The following SUPT7L variants were observed in gnomAD, a reference collection of about 807,000 sequenced individuals.
SUPT7L encodes SPT7 like, STAGA complex subunit gamma.
In SUPT7L, 15 loss-of-function variants were observed where a neutral mutation model predicts 35.7. That is an observed-to-expected ratio of 0.42 (90% confidence interval 0.28 to 0.65). The LOEUF (loss-of-function observed/expected upper bound fraction) is 0.65. Among genes scored for constraint, SUPT7L ranks in the 30% least tolerant of loss-of-function variants. SUPT7L has a pLI of 0.23. For missense variants in SUPT7L, 434 were observed against 522.2 expected (o/e 0.83, Z 1.65); for synonymous variants, 168 against 186.2 (o/e 0.90, Z 0.79).
intron 3 of SUPT7L, 37 bp downstream of exon 3, chr2:27,660,947 C>T (rs1675069604): frequency 1.9e-6 from 3 of 1,582,826 alleles, no homozygotes; most frequent in Non-Finnish European, 2.6e-6. Flanking sequence ...GGGAAGATGA[C>T]TTGAGAAAAG....
Position 27,657,481 on chromosome 2 carries a change from C to G in SUPT7L, c.608G>C (p.Arg203Pro), listed in dbSNP as rs371987223. Residue 203 changes from arginine to proline, a missense_variant, in exon 4 of 6, where the codon CGG (arginine) becomes CCG (proline). Arg to Pro is a moderately radical substitution (Grantham distance 103). Around this residue, in one of 3 missense-constraint regions of SUPT7L, gnomAD observed 198 missense variants for 190.8 expected, o/e 1.04. Coordinates refer to ENST00000337768, the MANE Select transcript of SUPT7L (RefSeq NM_014860.3). This position sits in a 1 kb window ranked among gnomAD's most constrained non-coding sequence, Gnocchi z 5.2. ...AGGAGTCTGTCCCAGCCGGGCCTCC[C>G]GGTCCACAGCAAAACGCAGCAACTT... ...FTKLLRFAVDREARLGQTPFP... is the reference protein window; with the variant it reads ...FTKLLRFAVDPEARLGQTPFP... 2.5e-6 allele frequency: 4 copies of G among 1,614,142 alleles called. No individual in the cohort carries two copies. In the African/African-American group the frequency reaches 5.3e-5, roughly 22 times the overall value.
chr2:27,657,725 C>A lies in SUPT7L; in HGVS notation c.420-56G>T, dbSNP rs1674872813. ...TGTTCTTGCAAAGGGGTGACCCCTC[C>A]TGTCTTCCCCAGGAGTTTTACAATT... On this transcript the variant is annotated intron_variant, in intron 3 of 5. Coordinates refer to ENST00000337768, the MANE Select transcript of SUPT7L (RefSeq NM_014860.3). This position sits in a 1 kb window ranked among gnomAD's most constrained non-coding sequence, Gnocchi z 5.2. 1 of 1,490,114 alleles carries A rather than the reference C, an allele frequency of 6.7e-7. No homozygotes were observed. The highest frequency in any genetic ancestry group is 9.0e-7 in the Non-Finnish European group (1 of 1,107,338). The allele number at this position is 1,490,114 out of a possible 1,614,324, so 92.3% of individuals were successfully genotyped here.
the SUPT7L span, among the ~76,000 whole-genome samples, chr2:27,645,270 C>A: frequency 6.6e-6 from 1 of 152,054 alleles, no homozygotes; most frequent in Non-Finnish European, 1.5e-5. Context: ...CATCCCCAGC[C>A]CATTTTTTTT....
chr2:27,643,326 TTATC>T, the SUPT7L span, among the ~76,000 whole-genome samples: 1 of 152,026 alleles, frequency 6.6e-6, no homozygotes, highest in African/African-American at 2.4e-5. This position sits in a 1 kb window ranked among gnomAD's most constrained non-coding sequence, Gnocchi z 4.0. Flanking sequence ...ACTTTATTCT[TTATC>T]TATATATGAC....
rs1017337705 is a variant in SUPT7L at position 27,652,550 on chromosome 2, A to G, written c.*935T>C. On this transcript the variant is annotated 3_prime_UTR_variant, in exon 6 of 6. Coordinates refer to ENST00000337768, the MANE Select transcript of SUPT7L (RefSeq NM_014860.3). Reference sequence around the variant, plus strand: ...ATACAGATAGTCTGATGGATGAGTAACCACAGTGATGTTGTTCAGGACATG... The same window carrying G: ...ATACAGATAGTCTGATGGATGAGTAGCCACAGTGATGTTGTTCAGGACATG... 2.0e-5 allele frequency: 3 copies of G among 152,632 alleles called. No individual in the cohort carries two copies. Among genetic ancestry groups the G allele is most frequent in the African/African-American group, 7.2e-5 (3 of 41,468 alleles). The allele number at this position is 152,632 out of a possible 1,614,324, so 9.5% of individuals were successfully genotyped here. A position where few individuals can be genotyped will look rare whatever the true frequency, so the allele number is the denominator to read the frequency against.
Position 27,661,093 on chromosome 2 carries a change from AG to A in SUPT7L, c.309del (p.Ser104ArgfsTer15). 1.2e-6 allele frequency: 2 copies of A among 1,614,198 alleles called. No individual in the cohort carries two copies. Among genetic ancestry groups the A allele is most frequent in the Non-Finnish European group, 1.7e-6 (2 of 1,180,034 alleles). On this transcript the variant is annotated frameshift_variant, in exon 3 of 6. Coordinates refer to ENST00000337768, the MANE Select transcript of SUPT7L (RefSeq NM_014860.3). LOFTEE classifies it high-confidence loss of function. ...GGGAGAGGAGGTGACCCAGGGCACG[AG>A]GGAAGAGGTTCACTCTCTTCAGTTT... The part of the protein sequence containing the change: ...GVKTEESEPL[P>X]SCPGSPPLPD...
chr2:27,663,609 T>A lies in SUPT7L; in HGVS notation c.-370A>T, dbSNP rs1675227491. ...CCCCGAAAGCTGGTTTGTTGATTAG[T>A]GATCTAAGACCGCCGGAAGCGCTTC... On this transcript the variant is annotated 5_prime_UTR_variant, in exon 1 of 6. Coordinates refer to ENST00000337768, the MANE Select transcript of SUPT7L (RefSeq NM_014860.3). 2 of 725,314 alleles carry A rather than the reference T, an allele frequency of 2.8e-6. No homozygotes were observed. The highest frequency in any genetic ancestry group is 4.5e-6 in the Non-Finnish European group (2 of 441,022). 44.9% of individuals were successfully genotyped at this position (725,314 alleles called of 1,614,324 possible). A position where few individuals can be genotyped will look rare whatever the true frequency, so the allele number is the denominator to read the frequency against.
chr2:27,656,771 C>T (rs1304047585), intron 4 of SUPT7L, among the ~76,000 whole-genome samples: 1 of 151,922 alleles, frequency 6.6e-6, no homozygotes, highest in Admixed American at 6.6e-5. Context: ...TAGCTGAGAC[C>T]ACAGGCATGA....
At chr2:27,659,186 CCTTTT>C (rs1268340879) in intron 3 of SUPT7L, among the ~76,000 whole-genome samples, 2 of 152,146 alleles carry the variant, frequency 1.3e-5, no homozygotes, top group Non-Finnish European at 2.9e-5. Context: ...TTATGCCTCC[CCTTTT>C]CATTATTCCA....
chr2:27,648,189 C>T (rs1053649944), downstream of SUPT7L, among the ~76,000 whole-genome samples: 1 of 152,022 alleles, frequency 6.6e-6, no homozygotes, highest in African/African-American at 2.4e-5. Flanking sequence ...TTGAGGGATC[C>T]AGGACTTTTG....
At position 27,651,013 on chromosome 2, in the gene SUPT7L, C is replaced by T. The variant is rs1305363367; in HGVS notation, c.*2472G>A. The T allele has an allele frequency of 6.6e-6, 1 of 152,336 alleles. No homozygotes were observed. The highest frequency in any genetic ancestry group is 1.5e-5 in the Non-Finnish European group (1 of 68,036). The allele number at this position is 152,336 out of a possible 1,614,324, so 9.4% of individuals were successfully genotyped here. On this transcript the variant is annotated 3_prime_UTR_variant, in exon 6 of 6. Transcript: ENST00000337768. Reference sequence around the variant, plus strand: ...CCCACGTGCACATACTGACTAAATACAGAGCTAGGCCCAGTTTGTATTGTA... The same window carrying T: ...CCCACGTGCACATACTGACTAAATATAGAGCTAGGCCCAGTTTGTATTGTA...
At chr2:27,642,956 T>TACACACACACACACACACAC in the SUPT7L span, among the ~76,000 whole-genome samples, 98 of 85,808 alleles carry the variant, frequency 1.1e-3, no homozygotes, top group East Asian at 8.7e-3. Context: ...TATATATATA[T>TACACACACACACACACACAC]ATACACACAC....
At position 27,661,387 on chromosome 2, in the gene SUPT7L, A is replaced by G. The variant is rs759418062; in HGVS notation, c.16T>C (p.Tyr6His). MNLQR[Y>H]WGEIPISSSQ... ...GATGATATTGGTATCTCTCCCCAGT[A>G]TCTCAACATTTTGGAATAAGAAGAG... The change falls in exon 3 of 6, where the codon TAC (tyrosine) becomes CAC (histidine). Residue 6 changes from tyrosine (Y) to histidine (H), a missense_variant and splice_region_variant. By Grantham distance (83) the Tyr-to-His change is moderately conservative (BLOSUM62 2). Around this residue, in one of 3 missense-constraint regions of SUPT7L, gnomAD observed 77 missense variants for 114.4 expected, o/e 0.67. Coordinates refer to ENST00000337768, the MANE Select transcript of SUPT7L (RefSeq NM_014860.3). The G allele has an allele frequency of 5.0e-6, 8 of 1,613,714 alleles. No homozygotes were observed. Among genetic ancestry groups the G allele is most frequent in the Non-Finnish European group, 6.8e-6 (8 of 1,180,024 alleles).
At chr2:27,650,241 T>G, downstream of SUPT7L, 3 of 1,181,056 alleles carry the variant, frequency 2.5e-6, no homozygotes, top group Non-Finnish European at 3.8e-6. Context: ...AAGTCCAGAA[T>G]TTTGGACCTC....
chr2:27,658,567 A>G (rs1483430188), intron 3 of SUPT7L, among the ~76,000 whole-genome samples: 1 of 152,222 alleles, frequency 6.6e-6, no homozygotes, highest in Non-Finnish European at 1.5e-5. Context: ...TTATTTTACC[A>G]ATAAAAATAA....
At chr2:27,647,025 A>C (rs1297088770), downstream of SUPT7L, among the ~76,000 whole-genome samples, 1 of 152,174 alleles carries the variant, frequency 6.6e-6, no homozygotes. Flanking sequence ...TAAGTAAATC[A>C]TTTGAGGAAA....
intron 3 of SUPT7L, 105 bp downstream of exon 3, chr2:27,660,879 T>C (rs1325810102): frequency 1.4e-6 from 2 of 1,414,320 alleles, no homozygotes; most frequent in Non-Finnish European, 1.9e-6. Context: ...CAATTACTCT[T>C]ATCCTCAGTT....
At chr2:27,645,530 T>C in the SUPT7L span, among the ~76,000 whole-genome samples, 1 of 152,176 alleles carries the variant, frequency 6.6e-6, no homozygotes, top group Non-Finnish European at 1.5e-5. Flanking sequence ...GACATCTCTA[T>C]GATGTTCAGT....
chr2:27,663,497 A>T lies in SUPT7L; in HGVS notation c.-258T>A, dbSNP rs1396681247. The T allele has an allele frequency of 6.7e-6, 3 of 445,314 alleles. No individual in the cohort carries two copies. The highest frequency in any genetic ancestry group is 6.0e-5 in the African/African-American group (3 of 50,124). The allele number at this position is 445,314 out of a possible 1,614,324, so 27.6% of individuals were successfully genotyped here. On this transcript the variant is annotated 5_prime_UTR_variant, in exon 1 of 6. Transcript: ENST00000337768. ...GGTCTGGACCTGAACCGAGACAAGG[A>T]GGTACCACACTATTCACTGCTGCGT...
Sources: gnomAD v4.1 joint callset for allele counts (sites outside exome capture counted in the v4.1 genomes callset) on GRCh38, gnomAD v4.1.1 for gene constraint, gnomAD v4.1.1 regional missense constraint, Gnocchi (gnomAD v3.1) non-coding constraint, MANE v1.5 for transcripts, NCBI Gene and HGNC (gene_info 2026-07-23, HGNC 2026-07-21) for gene names.